MSI2: variants seen among roughly 807,000 people sequenced by gnomAD.
MSI2 encodes the protein RNA-binding protein Musashi homolog 2.
MSI2 carries 17 observed loss-of-function variants against 45.6 expected under a neutral mutation model. The ratio of observed to expected loss-of-function variants is 0.37; its 90% CI spans 0.26 to 0.56. The LOEUF (loss-of-function observed/expected upper bound fraction) is 0.56, where lower values mean the gene tolerates loss of function less well. MSI2 is among the 20% of genes least tolerant of loss of function. The probability of loss-of-function intolerance (pLI) is 0.77; values close to 1 mark genes in which losing one functional copy is unlikely to be tolerated. For synonymous variants in MSI2, 156 were observed against 158.2 expected, an observed-to-expected ratio of 0.99 and a Z score of 0.11; for missense variants, 293 against 444.2, an observed-to-expected ratio of 0.66 and a Z score of 3.06.
Position 57,282,835 on chromosome 17 carries a change from C to CTTTTTTTTTTTTT in MSI2, c.312+20644_312+20656dup, listed in dbSNP as rs564440544. On this transcript the variant is annotated intron_variant, in intron 5 of 13. Transcript: ENST00000284073. ...CTGGGGTTGGGGGGTGGGGGGCAGA[C>CTTTTTTTTTTTTT]TTTTTTTTTTTTTCAGGGAACTCTG... is the stretch of plus-strand genomic sequence containing the variant. 4.1e-4 allele frequency among the ~76,000 whole-genome samples: 38 copies of CTTTTTTTTTTTTT among 92,744 alleles called. 4 individuals carry two copies. The highest frequency in any genetic ancestry group is 1.1e-3 in the African/African-American group (25 of 23,424). 60.8% of individuals were successfully genotyped at this position (92,744 alleles called of 152,430 possible).
intron 6 of MSI2, among the ~76,000 whole-genome samples, chr17:57,488,880 G>T (rs1339719632): frequency 6.6e-6 from 1 of 152,068 alleles, no homozygotes; most frequent in Non-Finnish European, 1.5e-5. Flanking sequence ...AGAGCTGGCG[G>T]TGTGCAGACA....
At chr17:57,365,457 GA>G (rs1917121693) in intron 5 of MSI2, among the ~76,000 whole-genome samples, 1 of 152,182 alleles carries the variant, frequency 6.6e-6, no homozygotes, top group Non-Finnish European at 1.5e-5. Context: ...GAGCTCACAG[GA>G]AAGTGTGGGG....
At chr17:57,295,850 C>T (rs1910876327) in intron 5 of MSI2, among the ~76,000 whole-genome samples, 1 of 152,148 alleles carries the variant, frequency 6.6e-6, no homozygotes, top group African/African-American at 2.4e-5. Context: ...GCTTTCTGCT[C>T]CCGTCACAAA....
At chr17:57,570,404 G>T (rs2087846659) in intron 7 of MSI2, among the ~76,000 whole-genome samples, 1 of 152,332 alleles carries the variant, frequency 6.6e-6, no homozygotes. Flanking sequence ...GTTTTCTCTG[G>T]TAGAGGAGTT....
chr17:57,372,948 A>T (rs1248952916), intron 5 of MSI2, among the ~76,000 whole-genome samples: 1 of 152,100 alleles, frequency 6.6e-6, no homozygotes, highest in African/African-American at 2.4e-5. Context: ...GGGCATCTGG[A>T]TTTAGAATTA....
At chr17:57,260,266 G>A (rs141670711) in intron 4 of MSI2, among the ~76,000 whole-genome samples, 4 of 152,310 alleles carry the variant, frequency 2.6e-5, no homozygotes, top group East Asian at 1.9e-4. Flanking sequence ...AGATCTCAGC[G>A]TGTAAACTTT....
chr17:57,458,164 G>A (rs888775459), intron 6 of MSI2, among the ~76,000 whole-genome samples: 30 of 148,492 alleles, frequency 2.0e-4, no homozygotes, highest in Middle Eastern at 3.5e-3. Context: ...GCAGTGGCGC[G>A]ATCTTGGCTC....
intron 6 of MSI2, among the ~76,000 whole-genome samples, chr17:57,490,012 T>C (rs1465647483): frequency 6.6e-6 from 1 of 152,140 alleles, no homozygotes; most frequent in Non-Finnish European, 1.5e-5. Flanking sequence ...TAAATTCTCA[T>C]AGGAGACTGA....
intron 5 of MSI2, among the ~76,000 whole-genome samples, chr17:57,357,234 C>A (rs1916492459): frequency 6.6e-6 from 1 of 152,202 alleles, no homozygotes; most frequent in African/African-American, 2.4e-5. Context: ...CCAAGAACCA[C>A]AGACCCAGGC....
intron 6 of MSI2, among the ~76,000 whole-genome samples, chr17:57,462,379 G>T (rs2085248230): frequency 6.6e-6 from 1 of 152,202 alleles, no homozygotes; most frequent in Non-Finnish European, 1.5e-5. Flanking sequence ...TGGGCTGCCA[G>T]CCCCTGCCAG....
rs764700880 is a variant in MSI2 at position 57,258,372 on chromosome 17, G to A, written c.270+18G>A. 2.5e-6 allele frequency: 4 copies of A among 1,600,604 alleles called. No homozygotes were observed. The highest frequency in any genetic ancestry group is 1.1e-5 in the South Asian group (1 of 90,834). On this transcript the variant is annotated intron_variant, in intron 4 of 13. Transcript: ENST00000284073. ...CCAAGACGGTAGGTTGCTTTTTGTT[G>A]TTGTTGTTCGCCCCTTTTCAGGAAC...
At chr17:57,633,281 C>A in intron 10 of MSI2, 2 of 741,502 alleles carry the variant, frequency 2.7e-6, no homozygotes, top group Non-Finnish European at 3.3e-6. Context: ...CAGCCTAGTG[C>A]AGTTTCTAAA....
At chr17:57,333,298 C>T (rs11652155) in intron 5 of MSI2, among the ~76,000 whole-genome samples, 14,447 of 152,196 alleles carry the variant, frequency 0.095, 758 homozygotes, top group South Asian at 0.12. Context: ...CAAATGACTA[C>T]TTTTTGGAAT....
chr17:57,591,604 G>A (rs991742808), intron 7 of MSI2, among the ~76,000 whole-genome samples: 3 of 151,864 alleles, frequency 2.0e-5, no homozygotes, highest in Non-Finnish European at 4.4e-5. Context: ...GCACACACCT[G>A]TAGTCTCAGC....
intron 7 of MSI2, among the ~76,000 whole-genome samples, chr17:57,553,189 G>A (rs2087346767): frequency 6.6e-6 from 1 of 152,206 alleles, no homozygotes; most frequent in Non-Finnish European, 1.5e-5. Flanking sequence ...CAGCGCTTCA[G>A]TTGAGTAGTC....
intron 5 of MSI2, among the ~76,000 whole-genome samples, chr17:57,345,741 C>T (rs1915543886): frequency 6.6e-6 from 1 of 151,108 alleles, no homozygotes; most frequent in African/African-American, 2.4e-5. Context: ...ATCGCTTCAA[C>T]TCAGGTGGTG....
the MSI2 span, among the ~76,000 whole-genome samples, chr17:57,700,167 A>C: frequency 6.6e-6 from 1 of 152,176 alleles, no homozygotes; most frequent in African/African-American, 2.4e-5. Flanking sequence ...CTTCATTCCC[A>C]GATGTGCCTG....
intron 5 of MSI2, among the ~76,000 whole-genome samples, chr17:57,270,737 G>C (rs1908279419): frequency 6.6e-6 from 1 of 152,064 alleles, no homozygotes; most frequent in Non-Finnish European, 1.5e-5. Context: ...GCATGTTGTG[G>C]GTACAGTATA....
intron 5 of MSI2, among the ~76,000 whole-genome samples, chr17:57,370,019 C>G (rs1329707541): frequency 6.6e-6 from 1 of 152,178 alleles, no homozygotes; most frequent in African/African-American, 2.4e-5. Flanking sequence ...AATCAGTAGA[C>G]TAATTAAAAA....
Sources: allele counts gnomAD v4.1 joint callset (sites outside exome capture counted in the v4.1 genomes callset), GRCh38; gene constraint gnomAD v4.1.1; transcripts MANE v1.5; gene names NCBI Gene and HGNC (gene_info 2026-07-23, HGNC 2026-07-21).